Variants in TET2 observed in about 807,000 individuals in gnomAD.
TET2 encodes the protein methylcytosine dioxygenase TET2.
In TET2, 299 loss-of-function variants were observed where a neutral mutation model predicts 142.9. The observed-to-expected ratio is 2.09, with a 90% CI of 1.90 to 2.30. TET2 has a LOEUF of 2.30. Among genes scored for constraint, TET2 ranks in the 30% most tolerant of loss-of-function variants. TET2 has a pLI of 0.00. For synonymous variants in TET2, 819 were observed against 849.0 expected (o/e 0.96, Z 0.61); for missense variants, 2,418 against 2,378.0 (o/e 1.02, Z -0.35).
At chr4:105,256,052 T>C (rs1730112932) in intron 6 of TET2, among the ~76,000 whole-genome samples, 1 of 152,170 alleles carries the variant, frequency 6.6e-6, no homozygotes, top group Admixed American at 6.5e-5. Flanking sequence ...CTCTGTGCTA[T>C]TATACAAATT....
At chr4:105,261,633 G>A in intron 7 of TET2, 126 bp from the exon 8 acceptor site, 1 of 508,524 alleles carries the variant, frequency 2.0e-6, no homozygotes, top group East Asian at 3.2e-5. Context: ...GCTTTATTTA[G>A]TAATAAAGGC....
intron 3 of TET2, chr4:105,237,998 T>C: frequency 2.3e-6 from 2 of 888,788 alleles, no homozygotes; most frequent in Non-Finnish European, 2.8e-6. Context: ...TCAGAGATAT[T>C]GTGGGTTTGG....
At chr4:105,177,205 G>A (rs1296888822) in intron 1 of TET2, among the ~76,000 whole-genome samples, 1 of 152,154 alleles carries the variant, frequency 6.6e-6, no homozygotes, top group Non-Finnish European at 1.5e-5. Context: ...AATCCTAGAT[G>A]ACTTTGGTAT....
chr4:105,196,165 C>CT lies in TET2; in HGVS notation c.-47+5672dup, dbSNP rs568308818. On this transcript the variant is annotated intron_variant, in intron 2 of 10. Coordinates refer to ENST00000380013, the MANE Select transcript of TET2 (RefSeq NM_001127208.3). ...CCTAATTGTTCCCTCTGCCTCTGTT[C>CT]TTTTTTTTTTTTCTGATGATCAGTT... Among the ~76,000 whole-genome samples, 1,081 of 145,788 alleles carry CT rather than the reference C, an allele frequency of 7.4e-3. 14 individuals are homozygous for CT. The highest frequency in any genetic ancestry group is 0.023 in the African/African-American group (924 of 39,956).
At chr4:105,176,351 T>C (rs749910280) in intron 1 of TET2, among the ~76,000 whole-genome samples, 1 of 152,168 alleles carries the variant, frequency 6.6e-6, no homozygotes, top group East Asian at 1.9e-4. Flanking sequence ...GAAATCAAAC[T>C]GTCTTTGTTC....
At chr4:105,196,183 G>A (rs184735194) in intron 2 of TET2, among the ~76,000 whole-genome samples, 7 of 144,066 alleles carry the variant, frequency 4.9e-5, no homozygotes, top group Admixed American at 2.1e-4. Flanking sequence ...TTTTTCTGAT[G>A]ATCAGTTCAA....
rs1303737743 is a variant in TET2 at position 105,235,705 on chromosome 4, C to G, written c.1763C>G (p.Ser588Ter). ...HLKRNEASLP[S>*]ILQYQPNLSN... ...AAACGTAATGAGGCATCACTGCCAT[C>G]AATTCTTCAGTATCAACCCAATCTC... The change falls in exon 3 of 11, where the codon TCA becomes TGA. Residue 588 changes from serine (S) to a stop codon, truncating the protein, a stop_gained. Transcript: ENST00000380013. LOFTEE classifies it high-confidence loss of function. 1.9e-6 allele frequency: 3 copies of G among 1,614,158 alleles called. No individual in the cohort carries two copies. The highest frequency in any genetic ancestry group is 2.5e-6 in the Non-Finnish European group (3 of 1,180,004).
chr4:105,272,342 G>A (rs967301130), intron 9 of TET2, among the ~76,000 whole-genome samples: 1 of 152,116 alleles, frequency 6.6e-6, no homozygotes, highest in Non-Finnish European at 1.5e-5. Flanking sequence ...TCAGAGAAAG[G>A]GTGGGTGGGC....
chr4:105,154,177 A>T (rs1210335453), intron 1 of TET2, among the ~76,000 whole-genome samples: 5 of 152,198 alleles, frequency 3.3e-5, no homozygotes, highest in Non-Finnish European at 5.9e-5. Context: ...TCTTTTGGTG[A>T]TGATGAAAAT....
chr4:105,208,873 G>A (rs1726979083), intron 2 of TET2, among the ~76,000 whole-genome samples: 1 of 151,448 alleles, frequency 6.6e-6, no homozygotes, highest in African/African-American at 2.4e-5. Context: ...CGAACTGTCA[G>A]CAAACAATCT....
Position 105,237,452 on chromosome 4 carries a change from G to A in TET2, c.3409+101G>A, listed in dbSNP as rs780630970. Reference sequence around the variant, plus strand: ...CCTTCTTTTTTTAAATCTTGAGTCTGGCAGCAATTTGTAAAGGCTCATAAA... The same window carrying A: ...CCTTCTTTTTTTAAATCTTGAGTCTAGCAGCAATTTGTAAAGGCTCATAAA... On this transcript the variant is annotated intron_variant, in intron 3 of 10. Coordinates refer to ENST00000380013, the MANE Select transcript of TET2 (RefSeq NM_001127208.3). The A allele has an allele frequency of 8.7e-6, 14 of 1,612,664 alleles. No homozygotes were observed. In the South Asian group the frequency reaches 1.3e-4, roughly 15 times the overall value.
rs1728772659 is a variant in TET2, at chr4:105,235,173, C to T, written c.1231C>T (p.Pro411Ser). The change falls in exon 3 of 11, where the codon CCT (proline) becomes TCT (serine). Residue 411 changes from proline (P) to serine (S), a missense_variant. By Grantham distance (74) the Pro-to-Ser change is moderately conservative. Transcript: ENST00000380013. ...ACAATTGCTTCTTTCTCCCCCTCCT[C>T]CTCTTCCACAGGTTCCTCAGCTTCC... ...PSQLLLSPPP[P>S]LPQVPQLPSE... 6.2e-7 allele frequency: 1 copy of T among 1,613,890 alleles called. No individual in the cohort carries two copies. The highest frequency in any genetic ancestry group is 1.3e-5 in the African/African-American group (1 of 74,918).
chr4:105,214,470 C>A (rs1489223043), intron 2 of TET2, among the ~76,000 whole-genome samples: 2 of 130,582 alleles, frequency 1.5e-5, no homozygotes, highest in Non-Finnish European at 3.2e-5. Flanking sequence ...CCACACCTGG[C>A]ATTTTTTTTT....
chr4:105,146,577 G>T (rs113859239), upstream of TET2: 2,122 of 153,174 alleles, frequency 0.014, 32 homozygotes, highest in Middle Eastern at 0.057. Flanking sequence ...AATTCCCTGG[G>T]AGCCGGGGCT....
At chr4:105,261,135 TATG>T (rs1202879094) in intron 7 of TET2, among the ~76,000 whole-genome samples, 3 of 152,018 alleles carry the variant, frequency 2.0e-5, no homozygotes, top group African/African-American at 7.2e-5. Context: ...AGCAGCTAAA[TATG>T]ATCACCTACC....
intron 1 of TET2, among the ~76,000 whole-genome samples, chr4:105,172,907 T>C (rs1252185525): frequency 6.6e-6 from 1 of 152,186 alleles, no homozygotes; most frequent in African/African-American, 2.4e-5. Flanking sequence ...GTAATGAAAT[T>C]GATATGGGCA....
At chr4:105,221,386 T>C (rs1727808936) in intron 2 of TET2, among the ~76,000 whole-genome samples, 1 of 152,196 alleles carries the variant, frequency 6.6e-6, no homozygotes, top group African/African-American at 2.4e-5. Flanking sequence ...TCTCTATCTC[T>C]GAGTTAATCT....
At chr4:105,231,310 ACTAT>A (rs1460051704) in intron 2 of TET2, among the ~76,000 whole-genome samples, 4 of 152,282 alleles carry the variant, frequency 2.6e-5, no homozygotes, top group South Asian at 2.1e-4. Context: ...TAATTTGACA[ACTAT>A]CTAAGAACAT....
intron 1 of TET2, among the ~76,000 whole-genome samples, chr4:105,161,820 C>T (rs1723873648): frequency 6.6e-6 from 1 of 152,132 alleles, no homozygotes; most frequent in South Asian, 2.1e-4. Context: ...TGACAGTTGT[C>T]TGTGTATTAT....
Sources: allele counts gnomAD v4.1 joint callset (sites outside exome capture counted in the v4.1 genomes callset), GRCh38; gene constraint gnomAD v4.1.1; transcripts MANE v1.5; gene names NCBI Gene and HGNC (gene_info 2026-07-23, HGNC 2026-07-21).